FSTL5: variants seen among roughly 807,000 people sequenced by gnomAD.
FSTL5 encodes the protein follistatin-related protein 5.
In FSTL5, 62 loss-of-function variants were observed where a neutral mutation model predicts 89.1. That is an observed-to-expected ratio of 0.70 (90% CI 0.57 to 0.86). The LOEUF (loss-of-function observed/expected upper bound fraction) is 0.86. FSTL5 is among the 40% of genes least tolerant of loss of function. FSTL5 has a pLI of 0.00. For synonymous variants in FSTL5, 383 were observed against 346.2 expected (o/e 1.11, Z -1.18); for missense variants, 1,057 against 1,001.6 (o/e 1.06, Z -0.75).
intron 13 of FSTL5, among the ~76,000 whole-genome samples, chr4:161,479,916 A>G (rs1279015926): frequency 2.6e-5 from 4 of 152,190 alleles, no homozygotes; most frequent in African/African-American, 9.6e-5. Context: ...TACAGAATAT[A>G]TGGATGAAAT....
At chr4:162,139,606 T>C (rs897410653) in intron 1 of FSTL5, among the ~76,000 whole-genome samples, 7 of 152,102 alleles carry the variant, frequency 4.6e-5, no homozygotes, top group Non-Finnish European at 1.0e-4. Flanking sequence ...TGACAAATTG[T>C]GCAAGGAATG....
intron 12 of FSTL5, among the ~76,000 whole-genome samples, chr4:161,481,572 G>A (rs1729511287): frequency 6.6e-6 from 1 of 152,120 alleles, no homozygotes; most frequent in African/African-American, 2.4e-5. Context: ...TGTCCTCATG[G>A]CAAATTCATA....
chr4:161,488,648 C>CA (rs1432729755), intron 12 of FSTL5, among the ~76,000 whole-genome samples: 2 of 152,062 alleles, frequency 1.3e-5, no homozygotes, highest in African/African-American at 4.8e-5. Context: ...TTACCTATCA[C>CA]ATGGCGTTAT....
chr4:161,400,038 C>A (rs28654831), intron 15 of FSTL5, among the ~76,000 whole-genome samples: 16,323 of 152,018 alleles, frequency 0.11, 872 homozygotes, highest in Middle Eastern at 0.13. Context: ...GTATCTAAAT[C>A]TATTATATGC....
chr4:161,766,286 G>A (rs577448075), intron 5 of FSTL5, among the ~76,000 whole-genome samples: 2,085 of 29,052 alleles, frequency 0.072, 19 homozygotes, highest in Middle Eastern at 0.12. Context: ...TTTTCATGTT[G>A]TTAGTACCAT....
chr4:161,869,286 A>C (rs1177116478), intron 4 of FSTL5, among the ~76,000 whole-genome samples: 1 of 152,238 alleles, frequency 6.6e-6, no homozygotes, highest in Non-Finnish European at 1.5e-5. Context: ...TCTTTTAAAC[A>C]TAAGATACTC....
intron 6 of FSTL5, among the ~76,000 whole-genome samples, chr4:161,664,251 C>A (rs186240873): frequency 6.6e-6 from 1 of 152,182 alleles, no homozygotes; most frequent in African/African-American, 2.4e-5. Flanking sequence ...GAAAATGGAT[C>A]TTTCTTTTCT....
chr4:161,746,700 C>A (rs553848655), intron 6 of FSTL5, among the ~76,000 whole-genome samples: 1 of 152,094 alleles, frequency 6.6e-6, no homozygotes, highest in Non-Finnish European at 1.5e-5. Context: ...CATAAATGAC[C>A]TCTCAAATGT....
intron 2 of FSTL5, among the ~76,000 whole-genome samples, chr4:162,076,852 C>A (rs1729869195): frequency 6.6e-6 from 1 of 151,682 alleles, no homozygotes; most frequent in African/African-American, 2.4e-5. Flanking sequence ...TACAATTGAA[C>A]CATATAGGTT....
intron 4 of FSTL5, among the ~76,000 whole-genome samples, chr4:161,908,691 G>A (rs1278125768): frequency 6.6e-6 from 1 of 152,046 alleles, no homozygotes; most frequent in East Asian, 1.9e-4. Context: ...GCATAACTTA[G>A]AAATTAAGTC....
In FSTL5 at chr4:161,448,817, C is replaced by A. The variant is rs534855382; in HGVS notation, c.1841+6187G>T. 1.6e-4 allele frequency among the ~76,000 whole-genome samples: 25 copies of A among 152,214 alleles called. 1 individual carries two copies. The South Asian group carries it at 4.6e-3, about 28-fold the overall frequency. On this transcript the variant is annotated intron_variant, in intron 15 of 15. Coordinates refer to ENST00000306100, the MANE Select transcript of FSTL5 (RefSeq NM_020116.5). ...AGCACTTATTTCACTGTTGAGGATCCTAAAGGAGTGCCTTCCAGCTACCCT... is the reference window on the plus strand; with the variant it reads ...AGCACTTATTTCACTGTTGAGGATCATAAAGGAGTGCCTTCCAGCTACCCT...
intron 2 of FSTL5, among the ~76,000 whole-genome samples, chr4:162,100,658 T>C (rs1730960319): frequency 6.6e-6 from 1 of 152,084 alleles, no homozygotes; most frequent in Non-Finnish European, 1.5e-5. Flanking sequence ...TTACAAACTA[T>C]GAACTTTGGG....
intron 7 of FSTL5, among the ~76,000 whole-genome samples, chr4:161,640,766 C>T (rs537644231): frequency 6.6e-6 from 1 of 151,170 alleles, no homozygotes; most frequent in South Asian, 2.1e-4. Context: ...AGAAAACTCT[C>T]CCAATTTAAT....
intron 4 of FSTL5, among the ~76,000 whole-genome samples, chr4:161,894,182 A>C (rs1733079919): frequency 6.6e-6 from 1 of 152,168 alleles, no homozygotes; most frequent in Admixed American, 6.5e-5. Context: ...GGATGAGGTC[A>C]TACAGTAAGA....
intron 2 of FSTL5, among the ~76,000 whole-genome samples, chr4:162,079,035 G>A (rs777977790): frequency 1.2e-4 from 18 of 151,702 alleles, no homozygotes; most frequent in Non-Finnish European, 2.2e-4. Flanking sequence ...GAGGAAGGAC[G>A]TTTTACGATC....
At chr4:161,840,730 T>C (rs903493702) in intron 4 of FSTL5, among the ~76,000 whole-genome samples, 17 of 152,306 alleles carry the variant, frequency 1.1e-4, no homozygotes, top group African/African-American at 3.1e-4. Flanking sequence ...AAAATTACTG[T>C]ACAGGATGAA....
intron 6 of FSTL5, among the ~76,000 whole-genome samples, chr4:161,705,981 TATATATATATATATACAC>T (rs1738563479): frequency 2.2e-5 from 2 of 92,294 alleles, no homozygotes; most frequent in South Asian, 1.1e-3. Flanking sequence ...TATATATATA[TATATATATATATATACAC>T]ACATCTACAC....
At chr4:162,078,086 G>A (rs1257603109) in intron 2 of FSTL5, among the ~76,000 whole-genome samples, 1 of 151,846 alleles carries the variant, frequency 6.6e-6, no homozygotes, top group Admixed American at 6.6e-5. Context: ...AGATGGACCA[G>A]CCAATTCCTA....
chr4:161,848,958 T>C (rs1731465257), intron 4 of FSTL5, among the ~76,000 whole-genome samples: 1 of 152,072 alleles, frequency 6.6e-6, no homozygotes, highest in African/African-American at 2.4e-5. Context: ...TGGTGAAAAC[T>C]GCCATAAGTG....
Sources: gnomAD v4.1 joint callset for allele counts (sites outside exome capture counted in the v4.1 genomes callset) on GRCh38, gnomAD v4.1.1 for gene constraint, MANE v1.5 for transcripts, NCBI Gene and HGNC (gene_info 2026-07-23, HGNC 2026-07-21) for gene names.